Variants in ABCC1 observed in about 807,000 individuals in gnomAD.
ABCC1 encodes the protein multidrug resistance-associated protein 1.
Under a neutral mutation model 172.9 loss-of-function variants are expected in ABCC1, and 83 were observed. The observed-to-expected ratio is 0.48, with a 90% CI of 0.40 to 0.58. The LOEUF (loss-of-function observed/expected upper bound fraction) is 0.58, where lower values mean the gene tolerates loss of function less well. ABCC1 is among the 20% of genes least tolerant of loss of function. The pLI is 0.00. For synonymous variants in ABCC1, 937 were observed against 825.2 expected (o/e 1.14, Z -2.32); for missense variants, 1,817 against 2,002.7 (o/e 0.91, Z 1.77).
rs189059234 is a variant in ABCC1 at position 15,951,981 on chromosome 16, T to C, written c.48+2182T>C. ...TTGAGATTACAGGCATGGGCCTCTGTGCCCGGCTGTTTTTGTGTTTTTCAA... is the reference window on the plus strand; with the variant it reads ...TTGAGATTACAGGCATGGGCCTCTGCGCCCGGCTGTTTTTGTGTTTTTCAA... On this transcript the variant is annotated intron_variant, in intron 1 of 30. Transcript: ENST00000399410. Among the ~76,000 whole-genome samples, 9 of 152,288 alleles carry C rather than the reference T, an allele frequency of 5.9e-5. No homozygotes were observed. The East Asian group carries it at 1.7e-3, about 29-fold the overall frequency.
At position 16,016,564 on chromosome 16, in the gene ABCC1, C is replaced by G; in HGVS notation, c.558C>G (p.Leu186=). The change falls in exon 5 of 31, where the codon CTC becomes CTG. Residue 186 remains leucine, a synonymous_variant. Transcript: ENST00000399410. ...YVYFSLLLIQ[L]VLSCFSDRSP... ...ACTTTTCCCTCTTACTCATTCAGCT[C>G]GTCTTGTCCTGTTTCTCAGATCGCT... 1 of 1,614,170 alleles carries G rather than the reference C, an allele frequency of 6.2e-7. No homozygotes were observed. Among genetic ancestry groups the G allele is most frequent in the South Asian group, 1.1e-5 (1 of 91,082 alleles).
chr16:16,088,196 A>C (rs565243297), intron 18 of ABCC1, among the ~76,000 whole-genome samples: 1 of 152,002 alleles, frequency 6.6e-6, no homozygotes, highest in East Asian at 1.9e-4. Context: ...AGTAATCCCA[A>C]CACTTTTGGA....
chr16:16,071,682 A>T lies in ABCC1; in HGVS notation c.1865A>T (p.His622Leu), dbSNP rs1567372029. 6.2e-7 allele frequency: 1 copy of T among 1,614,038 alleles called. No individual in the cohort carries two copies. The highest frequency in any genetic ancestry group is 2.2e-5 in the East Asian group (1 of 44,872). ...AAACGCCTGAGGATCTTTCTCTCCC[A>T]TGAGGAGCTGGAACCTGACAGCATC... ...SLKRLRIFLS[H>L]EELEPDSIER... The change falls in exon 14 of 31, where the codon CAT (histidine) becomes CTT (leucine). Residue 622 changes from histidine (H) to leucine (L), a missense_variant. This residue lies in a region of ABCC1 where 1,412 missense variants were observed against 1,600.3 expected (regional missense o/e 0.88). Transcript: ENST00000399410.
intron 1 of ABCC1, among the ~76,000 whole-genome samples, chr16:15,978,383 C>G (rs1476887559): frequency 6.6e-6 from 1 of 152,040 alleles, no homozygotes; most frequent in Non-Finnish European, 1.5e-5. Context: ...AACAAACAAA[C>G]AAACAAACAA....
intron 14 of ABCC1, among the ~76,000 whole-genome samples, chr16:16,072,770 A>C (rs1017352846): frequency 7.9e-5 from 12 of 151,878 alleles, no homozygotes; most frequent in African/African-American, 2.7e-4. Flanking sequence ...GGCCGGGCAC[A>C]GTGGCTCACG....
At chr16:16,002,108 A>G (rs928700350) in intron 1 of ABCC1, among the ~76,000 whole-genome samples, 1 of 152,210 alleles carries the variant, frequency 6.6e-6, no homozygotes, top group Non-Finnish European at 1.5e-5. Flanking sequence ...CACCAATGCC[A>G]AGTCCCCAGG....
At chr16:16,129,127 T>G (rs757603539) in intron 26 of ABCC1, among the ~76,000 whole-genome samples, 3 of 152,220 alleles carry the variant, frequency 2.0e-5, no homozygotes, top group Non-Finnish European at 4.4e-5. Flanking sequence ...CCGTGTGGAT[T>G]CCCACATACC....
intron 1 of ABCC1, among the ~76,000 whole-genome samples, chr16:15,977,141 G>A (rs183814715): frequency 7.9e-5 from 12 of 152,298 alleles, no homozygotes; most frequent in South Asian, 4.1e-4. Context: ...GGGTGTCTCC[G>A]AAGGAGTGTT....
intron 26 of ABCC1, among the ~76,000 whole-genome samples, chr16:16,127,319 A>G (rs2045483319): frequency 6.6e-6 from 1 of 152,064 alleles, no homozygotes; most frequent in African/African-American, 2.4e-5. Flanking sequence ...TGATTCTCCT[A>G]CCTCTGCCTC....
intron 1 of ABCC1, among the ~76,000 whole-genome samples, chr16:15,959,623 G>A (rs902053056): frequency 6.6e-6 from 1 of 152,196 alleles, no homozygotes; most frequent in African/African-American, 2.4e-5. Flanking sequence ...ACCATGCCCA[G>A]CCGAAAATGG....
At chr16:16,068,387 C>G in intron 13 of ABCC1, 85 bp downstream of exon 13, 1 of 1,495,956 alleles carries the variant, frequency 6.7e-7, no homozygotes, top group East Asian at 2.3e-5. Flanking sequence ...CGAGCGCAGC[C>G]TCTAGATCAC....
intron 19 of ABCC1, among the ~76,000 whole-genome samples, chr16:16,094,842 A>C (rs2051405579): frequency 9.2e-6 from 1 of 108,676 alleles, no homozygotes; most frequent in African/African-American, 3.9e-5. Flanking sequence ...TTTTTGATAC[A>C]GAGTCTCACT....
chr16:16,071,817 C>A, intron 14 of ABCC1, 88 bp downstream of exon 14: 2 of 1,258,196 alleles, frequency 1.6e-6, no homozygotes, highest in Non-Finnish European at 2.3e-6. Context: ...TTTCCCTTGG[C>A]TGCCCTCAGG....
chr16:16,131,848 G>A lies in ABCC1; in HGVS notation c.3879G>A (p.Val1293=), dbSNP rs371787044. The change falls in exon 27 of 31, where the codon GTG becomes GTA. Residue 1293 remains valine (V), a synonymous_variant. Transcript: ENST00000399410. ...PPSSWPQVGR[V]EFRNYCLRYR... is the part of the protein sequence containing the mutation. ...GCAGCTGGCCCCAGGTGGGCCGAGT[G>A]GAATTCCGGAACTACTGCCTGCGCT... is the stretch of plus-strand genomic sequence containing the variant. 20 of 1,614,074 alleles carry A rather than the reference G, an allele frequency of 1.2e-5. No homozygotes were observed. In the African/African-American group the frequency reaches 1.9e-4, roughly 15 times the overall value.
intron 14 of ABCC1, among the ~76,000 whole-genome samples, chr16:16,074,126 G>T (rs1310268595): frequency 6.6e-6 from 1 of 152,158 alleles, no homozygotes; most frequent in Non-Finnish European, 1.5e-5. Context: ...GAGACACATT[G>T]TTCTTTGTGG....
intron 29 of ABCC1, among the ~76,000 whole-genome samples, chr16:16,137,573 T>TTTTTA (rs2045963516): frequency 1.7e-5 from 2 of 120,864 alleles, no homozygotes; most frequent in Admixed American, 8.8e-5. Flanking sequence ...TTTTTTTTTT[T>TTTTTA]GAGACGGAGG....
At chr16:16,124,342 TGTGTGTG>T in intron 24 of ABCC1, among the ~76,000 whole-genome samples, 1 of 133,288 alleles carries the variant, frequency 7.5e-6, no homozygotes, top group Non-Finnish European at 1.6e-5. Context: ...TGTGTGTGTG[TGTGTGTG>T]ATTATAGGAG....
intron 23 of ABCC1, 119 bp from the exon 24 acceptor site, chr16:16,121,856 C>T (rs186203409): frequency 1.9e-6 from 2 of 1,055,574 alleles, no homozygotes; most frequent in Admixed American, 4.5e-5. Context: ...CAGCCCGGCT[C>T]TAACATTTTG....
chr16:15,949,417 A>G (rs976303831), upstream of ABCC1, among the ~76,000 whole-genome samples: 3 of 151,600 alleles, frequency 2.0e-5, no homozygotes, highest in Non-Finnish European at 2.9e-5. Flanking sequence ...GGGTGGGCCT[A>G]AGCCTTGGAG....
Sources: gnomAD v4.1 joint callset for allele counts (sites outside exome capture counted in the v4.1 genomes callset) on GRCh38, gnomAD v4.1.1 for gene constraint, gnomAD v4.1.1 regional missense constraint, MANE v1.5 for transcripts, NCBI Gene and HGNC (gene_info 2026-07-23, HGNC 2026-07-21) for gene names.